The following DOHH variants were observed in gnomAD, a reference collection of about 807,000 sequenced individuals.
The protein encoded by DOHH is HEAT-like (PBS lyase) repeat containing 1.
DOHH carries 16 observed loss-of-function variants against 19.9 expected under a neutral mutation model. The observed-to-expected ratio is 0.80, with a 90% CI of 0.54 to 1.22. The LOEUF (loss-of-function observed/expected upper bound fraction) is 1.22, where lower values mean the gene tolerates loss of function less well. Among genes scored for constraint, DOHH ranks in the 50% most tolerant of loss-of-function variants. The probability of loss-of-function intolerance (pLI) is 0.00; values close to 1 mark genes in which losing one functional copy is unlikely to be tolerated. For missense variants in DOHH, 460 were observed against 460.6 expected, an observed-to-expected ratio of 1.00 and a Z score of 0.01; for synonymous variants, 233 against 217.0, an observed-to-expected ratio of 1.07 and a Z score of -0.65.
chr19:3,498,159 C>T (rs1183508738), intron 1 of DOHH, among the ~76,000 whole-genome samples: 4 of 152,164 alleles, frequency 2.6e-5, no homozygotes, highest in African/African-American at 9.7e-5. Context: ...AGGCCCAGTG[C>T]AGCCCTAGGG....
At chr19:3,494,184 C>T (rs1451114797) in intron 2 of DOHH, 80 bp from the exon 3 acceptor site, 3 of 1,294,914 alleles carry the variant, frequency 2.3e-6, no homozygotes, top group East Asian at 4.8e-5. Context: ...GACCGGAGGA[C>T]ACCCCTCCCA....
Position 3,491,450 on chromosome 19 carries a change from G to C in DOHH, c.*42C>G, listed in dbSNP as rs1243872722. 6.6e-7 allele frequency: 1 copy of C among 1,505,256 alleles called. No homozygotes were observed. The highest frequency in any genetic ancestry group is 8.8e-7 in the Non-Finnish European group (1 of 1,131,496). The allele number at this position is 1,505,256 out of a possible 1,614,324, so 93.2% of individuals were successfully genotyped here. Reference sequence around the variant, plus strand: ...GCCAAAGCTCTGCGGGGGAGGAGCGGCCCTCAAGAGTCCTCCGGGAGCTCC... The same window carrying C: ...GCCAAAGCTCTGCGGGGGAGGAGCGCCCCTCAAGAGTCCTCCGGGAGCTCC... On this transcript the variant is annotated 3_prime_UTR_variant, in exon 5 of 5. Coordinates refer to ENST00000427575, the MANE Select transcript of DOHH (RefSeq NM_001145165.2). This position sits in a 1 kb window ranked among gnomAD's most constrained non-coding sequence, Gnocchi z 5.6.
chr19:3,496,572 G>T lies in DOHH; in HGVS notation c.243C>A (p.Thr81=). The change falls in exon 2 of 5, where the codon ACC becomes ACA. Residue 81 remains threonine (T), a synonymous_variant. Transcript: ENST00000427575. This position sits in a 1 kb window ranked among gnomAD's most constrained non-coding sequence, Gnocchi z 4.8. ...IPMLVDVLQD[T]RQEPMVRHEA... ...CATGGCGCACCATGGGCTCCTGACG[G>T]GTGTCTTGCAGCACGTCCACCAGCA... The T allele has an allele frequency of 6.2e-7, 1 of 1,613,534 alleles. No individual in the cohort carries two copies.
chr19:3,493,121 T>C (rs1203354266), intron 3 of DOHH, among the ~76,000 whole-genome samples: 2 of 152,112 alleles, frequency 1.3e-5, no homozygotes, highest in Admixed American at 6.5e-5. Flanking sequence ...GGACACAGCA[T>C]GGGCCGTCCA....
In DOHH at chr19:3,496,784, C is replaced by G; in HGVS notation, c.31G>C (p.Gly11Arg). The G allele has an allele frequency of 6.3e-7, 1 of 1,599,026 alleles. No individual in the cohort carries two copies. Among genetic ancestry groups the G allele is most frequent in the Non-Finnish European group, 8.5e-7 (1 of 1,173,834 alleles). The change falls in exon 2 of 5, where the codon GGG becomes CGG. Residue 11 changes from glycine (G) to arginine (R), a missense_variant. Physicochemically the swap from Gly to Arg is moderately radical, Grantham distance 125. Transcript: ENST00000427575. This position sits in a 1 kb window ranked among gnomAD's most constrained non-coding sequence, Gnocchi z 4.8. MVTEQEVDAI[G>R]QTLVDPKQPL... Reference sequence around the variant, plus strand: ...TGCTTGGGGTCCACCAGCGTCTGCCCGATGGCATCCACCTCCTGCTCCGTC... The same window carrying G: ...TGCTTGGGGTCCACCAGCGTCTGCCGGATGGCATCCACCTCCTGCTCCGTC...
At position 3,492,412 on chromosome 19, in the gene DOHH, C is replaced by A. The variant is rs2082876854; in HGVS notation, c.439G>T (p.Val147Leu). The change falls in exon 4 of 5, where the codon GTG (valine) becomes TTG (leucine). Residue 147 changes from valine (V) to leucine (L), a missense_variant. Transcript: ENST00000427575. Reference sequence around the variant, plus strand: ...TCCTCAGCCGGCGGGGCAGGGTCCACGGAGAGGTAGGGTCCCGCCGCCGGC... The same window carrying A: ...TCCTCAGCCGGCGGGGCAGGGTCCAAGGAGAGGTAGGGTCCCGCCGCCGGC... ...GEPAAGPYLS[V>L]DPAPPAEERD... 2.0e-6 allele frequency: 3 copies of A among 1,520,494 alleles called. No homozygotes were observed. The highest frequency in any genetic ancestry group is 2.8e-5 in the African/African-American group (2 of 71,452). 94.2% of individuals were successfully genotyped at this position (1,520,494 alleles called of 1,614,324 possible).
At position 3,491,482 on chromosome 19, in the gene DOHH, G is replaced by C; in HGVS notation, c.*10C>G. ...AGAGTCCTCCGGGAGCTCCGGGTGA[G>C]GGTGGGGCCCTAGGAGGGGGCCCCG... On this transcript the variant is annotated 3_prime_UTR_variant, in exon 5 of 5. Transcript: ENST00000427575. The surrounding 1 kb of genome is among the most constrained non-coding windows in gnomAD (Gnocchi z 5.6). 1 of 1,531,096 alleles carries C rather than the reference G, an allele frequency of 6.5e-7. No individual in the cohort carries two copies. Among genetic ancestry groups the C allele is most frequent in the South Asian group, 1.2e-5 (1 of 83,716 alleles). The allele number at this position is 1,531,096 out of a possible 1,614,324, so 94.8% of individuals were successfully genotyped here.
At chr19:3,492,560 AC>A in intron 3 of DOHH, 61 bp from the exon 4 acceptor site, 8 of 1,270,524 alleles carry the variant, frequency 6.3e-6, no homozygotes, top group Non-Finnish European at 8.1e-6. Context: ...GCCCTTCCCC[AC>A]CCCCCGGGAT....
At chr19:3,492,982 G>A (rs970204006) in intron 3 of DOHH, among the ~76,000 whole-genome samples, 1 of 152,226 alleles carries the variant, frequency 6.6e-6, no homozygotes, top group Non-Finnish European at 1.5e-5. Context: ...CCCGGAGGAG[G>A]AGAGACTGAG....
chr19:3,494,147 G>C (rs1156650400), intron 2 of DOHH, 43 bp from the exon 3 acceptor site: 1 of 1,572,130 alleles, frequency 6.4e-7, no homozygotes, highest in Non-Finnish European at 8.7e-7. Context: ...TGGGGTGGAT[G>C]TGTGGAAAAT....
At chr19:3,497,880 C>T (rs1010026534) in intron 1 of DOHH, among the ~76,000 whole-genome samples, 3 of 152,130 alleles carry the variant, frequency 2.0e-5, no homozygotes, top group Non-Finnish European at 4.4e-5. Flanking sequence ...ATCATCCTGC[C>T]TCAGCCTCCC....
chr19:3,494,442 G>A (rs2082893629), intron 2 of DOHH, among the ~76,000 whole-genome samples: 1 of 152,184 alleles, frequency 6.6e-6, no homozygotes, highest in South Asian at 2.1e-4. Context: ...AGGAGGTCGG[G>A]GGTGCAGTGA....
chr19:3,500,544 C>T lies in DOHH; in HGVS notation c.-73+17G>A, dbSNP rs565931838. 6.6e-6 allele frequency: 1 copy of T among 152,372 alleles called. No individual in the cohort carries two copies. Among genetic ancestry groups the T allele is most frequent in the Admixed American group, 6.5e-5 (1 of 15,312 alleles). 9.4% of individuals were successfully genotyped at this position (152,372 alleles called of 1,614,324 possible). On this transcript the variant is annotated intron_variant, in intron 1 of 4. Transcript: ENST00000427575. ...CCCGGGCCCCACACCGTGATCGCCG[C>T]CTCCGGGACGCCTCACCGAGCTCTG...
Position 3,492,344 on chromosome 19 carries a change from G to C in DOHH, c.507C>G (p.Ser169=). Residue 169 remains serine, a synonymous_variant, in exon 4 of 5, where the codon TCC becomes TCG. Transcript: ENST00000427575. ...GRLREALLDE[S]RPLFERYRAM... ...CGCGGTATCGCTCGAAGAGCGGCCGGGACTCATCCAGCAGCGCCTCCCGCA... is the reference window on the plus strand; with the variant it reads ...CGCGGTATCGCTCGAAGAGCGGCCGCGACTCATCCAGCAGCGCCTCCCGCA... 6 of 1,544,824 alleles carry C rather than the reference G, an allele frequency of 3.9e-6. No individual in the cohort carries two copies. The highest frequency in any genetic ancestry group is 1.2e-5 in the South Asian group (1 of 84,452).
rs146925318 is a variant in DOHH at position 3,498,218 on chromosome 19, C to T, written c.-72-1332G>A. On this transcript the variant is annotated intron_variant, in intron 1 of 4. Transcript: ENST00000427575. ...ATGAGGAACATTCTTCCCTAGATGT[C>T]CCCACGTAGCAGGCCAGGCCTCACT... is the stretch of plus-strand genomic sequence containing the variant. Among the ~76,000 whole-genome samples, 770 of 152,212 alleles carry T rather than the reference C, an allele frequency of 5.1e-3. 10 individuals are homozygous for T. The highest frequency in any genetic ancestry group is 0.018 in the African/African-American group (749 of 41,510).
chr19:3,498,272 C>A (rs1427347901), intron 1 of DOHH, among the ~76,000 whole-genome samples: 1 of 152,206 alleles, frequency 6.6e-6, no homozygotes, highest in Non-Finnish European at 1.5e-5. Flanking sequence ...TGTTTCAGCA[C>A]TGACTGAGTG....
rs2082913537 is a variant in DOHH at position 3,496,921 on chromosome 19, C to G, written c.-72-35G>C. 1 of 1,332,644 alleles carries G rather than the reference C, an allele frequency of 7.5e-7. No homozygotes were observed. The highest frequency in any genetic ancestry group is 3.0e-5 in the Admixed American group (1 of 33,348). The allele number at this position is 1,332,644 out of a possible 1,614,324, so 82.6% of individuals were successfully genotyped here. A position where few individuals can be genotyped will look rare whatever the true frequency, so the allele number is the denominator to read the frequency against. On this transcript the variant is annotated intron_variant, in intron 1 of 4. Transcript: ENST00000427575. The surrounding 1 kb of genome is among the most constrained non-coding windows in gnomAD (Gnocchi z 4.8). ...AAAAATGAGAGCCCAGGTTAGAAGCCCCCTTCACCAGTGCGTTGTCTGTTC... is the reference window on the plus strand; with the variant it reads ...AAAAATGAGAGCCCAGGTTAGAAGCGCCCTTCACCAGTGCGTTGTCTGTTC...
intron 1 of DOHH, among the ~76,000 whole-genome samples, chr19:3,497,606 T>C (rs1234363062): frequency 6.6e-6 from 1 of 152,186 alleles, no homozygotes; most frequent in Admixed American, 6.5e-5. Context: ...TGTTTACTGT[T>C]GTTGAAGGTA....
chr19:3,492,535 T>C (rs1411907208), intron 3 of DOHH, 36 bp from the exon 4 acceptor site: 47 of 1,349,738 alleles, frequency 3.5e-5, no homozygotes, highest in Non-Finnish European at 4.4e-5. Flanking sequence ...GGGTTGGCCC[T>C]GGGGGGTCGC....
Sources: allele counts gnomAD v4.1 joint callset (sites outside exome capture counted in the v4.1 genomes callset), GRCh38; gene constraint gnomAD v4.1.1; non-coding constraint Gnocchi (gnomAD v3.1); transcripts MANE v1.5; gene names NCBI Gene and HGNC (gene_info 2026-07-23, HGNC 2026-07-21).